Variants in BLTP1 observed in about 807,000 individuals in gnomAD.
BLTP1 encodes bridge-like lipid transfer protein family member 1.
chr4:122,156,054 G>A, the BLTP1 span: 3 of 755,626 alleles, frequency 4.0e-6, no homozygotes, highest in Non-Finnish European at 4.8e-6. Context: ...AGTAGATTCT[G>A]GGGCCATTTA....
At chr4:122,224,597 T>C in the BLTP1 span, 11 of 1,613,966 alleles carry the variant, frequency 6.8e-6, no homozygotes, top group Middle Eastern at 1.6e-4. Context: ...AGGTCTTCCT[T>C]TGGGAAGCGA....
At chr4:122,170,420 A>G in the BLTP1 span, 2 of 977,292 alleles carry the variant, frequency 2.0e-6, no homozygotes, top group Non-Finnish European at 2.4e-6. Context: ...AGGACATTAC[A>G]AGTATGATCC....
At chr4:122,304,704 A>G in the BLTP1 span, 7 of 1,511,364 alleles carry the variant, frequency 4.6e-6, no homozygotes, top group Admixed American at 1.3e-4. Flanking sequence ...AAACACGACT[A>G]TTTTATTTAT....
the BLTP1 span, chr4:122,232,231 A>G: frequency 1.9e-5 from 11 of 584,936 alleles, no homozygotes; most frequent in Admixed American, 1.9e-4. Context: ...AAAATACACA[A>G]AACTTCTGAT....
chr4:122,302,289 C>A, the BLTP1 span: 1 of 973,564 alleles, frequency 1.0e-6, no homozygotes, highest in Non-Finnish European at 1.2e-6. Flanking sequence ...TAGACATATC[C>A]TATACAGGCA....
At chr4:122,201,285 T>C in the BLTP1 span, among the ~76,000 whole-genome samples, 37,695 of 152,164 alleles carry the variant, frequency 0.25, 5,146 homozygotes, top group African/African-American at 0.34. Flanking sequence ...AATTTAAATA[T>C]AGACATTTTG....
At chr4:122,341,920 A>G in the BLTP1 span, 6 of 615,570 alleles carry the variant, frequency 9.7e-6, no homozygotes, top group South Asian at 3.6e-4. Context: ...AGAGAATACA[A>G]AATGCACGAA....
the BLTP1 span, among the ~76,000 whole-genome samples, chr4:122,162,981 A>G: frequency 2.0e-5 from 3 of 152,194 alleles, no homozygotes; most frequent in African/African-American, 7.2e-5. Context: ...TGAGATTTTA[A>G]AAGTCTTATG....
chr4:122,172,870 T>A, the BLTP1 span: 3 of 950,812 alleles, frequency 3.2e-6, no homozygotes, highest in East Asian at 2.3e-4. Context: ...CTCTAATGGA[T>A]CTGATCGGAA....
At chr4:122,176,213 G>C in the BLTP1 span, among the ~76,000 whole-genome samples, 1 of 151,980 alleles carries the variant, frequency 6.6e-6, no homozygotes, top group Non-Finnish European at 1.5e-5. Flanking sequence ...TGAGGCAGGA[G>C]AATTGCTTGA....
chr4:122,254,083 C>A, the BLTP1 span: 1 of 976,246 alleles, frequency 1.0e-6, no homozygotes, highest in Non-Finnish European at 1.5e-6. Context: ...GAAGTAAAGA[C>A]TTTCCCAGAC....
chr4:122,271,604 G>T, the BLTP1 span: 1 of 1,613,362 alleles, frequency 6.2e-7, no homozygotes, highest in Non-Finnish European at 8.5e-7. Flanking sequence ...TACAGTGTCA[G>T]AACAAAGTGA....
chr4:122,200,933 A>G, the BLTP1 span: 3 of 1,545,930 alleles, frequency 1.9e-6, no homozygotes, highest in Middle Eastern at 3.5e-4. Context: ...TAGCGTGTGT[A>G]ACTTCATTTC....
At chr4:122,354,815 C>T in the BLTP1 span, among the ~76,000 whole-genome samples, 16 of 151,448 alleles carry the variant, frequency 1.1e-4, no homozygotes, top group African/African-American at 2.2e-4. Flanking sequence ...TACAGGTGTG[C>T]GCCACCACGC....
the BLTP1 span, among the ~76,000 whole-genome samples, chr4:122,355,265 T>C: frequency 6.6e-6 from 1 of 152,196 alleles, no homozygotes; most frequent in East Asian, 1.9e-4. Flanking sequence ...TTTATAAAAC[T>C]AAGACTCTAT....
the BLTP1 span, chr4:122,194,650 T>G: frequency 2.1e-6 from 2 of 968,080 alleles, no homozygotes; most frequent in Non-Finnish European, 2.5e-6. Context: ...TGCTTTAACA[T>G]AGGGCCATGA....
At chr4:122,243,803 C>A in the BLTP1 span, 2 of 1,421,732 alleles carry the variant, frequency 1.4e-6, no homozygotes, top group South Asian at 1.8e-5. Context: ...GAAGCTCCAA[C>A]TTCTAATTCA....
the BLTP1 span, chr4:122,346,867 G>A: frequency 6.7e-7 from 1 of 1,499,192 alleles, no homozygotes; most frequent in Non-Finnish European, 8.9e-7. Flanking sequence ...GATGCGTTCA[G>A]TCATTCAAGA....
the BLTP1 span, among the ~76,000 whole-genome samples, chr4:122,290,558 C>T: frequency 2.6e-5 from 4 of 151,534 alleles, no homozygotes; most frequent in East Asian, 1.9e-4. Flanking sequence ...GAGGCCGAGG[C>T]GGGTGGATCA....
Sources: gnomAD v4.1 joint callset for allele counts (sites outside exome capture counted in the v4.1 genomes callset) on GRCh38, gnomAD v4.1.1 for gene constraint, MANE v1.5 for transcripts, NCBI Gene and HGNC (gene_info 2026-07-23, HGNC 2026-07-21) for gene names.